CAMTA1: variants seen among roughly 807,000 people sequenced by gnomAD.
CAMTA1 encodes calmodulin-binding transcription activator 1.
Under a neutral mutation model 170.9 loss-of-function variants are expected in CAMTA1, and 27 were observed. The ratio of observed to expected loss-of-function variants is 0.16; its 90% confidence interval spans 0.12 to 0.22. The LOEUF (loss-of-function observed/expected upper bound fraction) is 0.22, where lower values mean the gene tolerates loss of function less well. Among genes scored for constraint, CAMTA1 ranks in the 10% least tolerant of loss-of-function variants. The pLI is 1.00. For synonymous variants in CAMTA1, 833 were observed against 891.5 expected, an observed-to-expected ratio of 0.93 and a Z score of 1.17; for missense variants, 1,619 against 2,217.2, an observed-to-expected ratio of 0.73 and a Z score of 5.42.
intron 6 of CAMTA1, among the ~76,000 whole-genome samples, chr1:7,498,207 A>G (rs1228957544): frequency 7.2e-6 from 1 of 138,312 alleles, no homozygotes; most frequent in Non-Finnish European, 1.6e-5. Flanking sequence ...TGTGTGTGTG[A>G]CAGTGTGGAT....
intron 3 of CAMTA1, among the ~76,000 whole-genome samples, chr1:6,879,728 A>C (rs1363544123): frequency 1.3e-5 from 2 of 150,848 alleles, no homozygotes; most frequent in Non-Finnish European, 2.9e-5. Flanking sequence ...TCCTAGGCCC[A>C]AGCAGGCCTC....
intron 3 of CAMTA1, among the ~76,000 whole-genome samples, chr1:6,910,594 C>T (rs993629997): frequency 1.3e-5 from 2 of 152,202 alleles, no homozygotes; most frequent in African/African-American, 4.8e-5. Flanking sequence ...TGTTGGAAAG[C>T]GGGTCTCTGC....
chr1:7,703,765 T>C (rs1322604990), intron 11 of CAMTA1, among the ~76,000 whole-genome samples: 1 of 152,244 alleles, frequency 6.6e-6, no homozygotes, highest in East Asian at 1.9e-4. Flanking sequence ...ACTTTCTCTG[T>C]GCGAGGCCGT....
At chr1:7,448,372 T>C (rs1469268888) in intron 5 of CAMTA1, among the ~76,000 whole-genome samples, 1 of 152,206 alleles carries the variant, frequency 6.6e-6, no homozygotes, top group Admixed American at 6.5e-5. Context: ...CTCCATGTCC[T>C]GGAGGAAGGA....
At chr1:7,178,077 A>G (rs1032412709) in intron 4 of CAMTA1, among the ~76,000 whole-genome samples, 2 of 152,158 alleles carry the variant, frequency 1.3e-5, no homozygotes, top group Non-Finnish European at 2.9e-5. Flanking sequence ...AGCCCCTCCC[A>G]CACATTGACC....
At chr1:7,016,507 CT>C (rs1700554406) in intron 3 of CAMTA1, among the ~76,000 whole-genome samples, 1 of 152,206 alleles carries the variant, frequency 6.6e-6, no homozygotes, top group Non-Finnish European at 1.5e-5. Flanking sequence ...CCTAAAAAAT[CT>C]CCAGTAAACA....
In CAMTA1 at chr1:7,067,029, A is replaced by C. The variant is rs1248693506; in HGVS notation, c.235-24275A>C. On this transcript the variant is annotated intron_variant, in intron 3 of 22. Transcript: ENST00000303635. The surrounding 1 kb of genome is among the most constrained non-coding windows in gnomAD (Gnocchi z 4.3). ...TTGACTCCTGCTGGATGGGCACATA[A>C]ACTGGGTGTCATGTTATTAAGATGT... 6.6e-6 allele frequency among the ~76,000 whole-genome samples: 1 copy of C among 152,226 alleles called. No homozygotes were observed. Among genetic ancestry groups the C allele is most frequent in the African/African-American group, 2.4e-5 (1 of 41,456 alleles).
At chr1:6,997,655 T>TC (rs1697481840) in intron 3 of CAMTA1, among the ~76,000 whole-genome samples, 1 of 135,712 alleles carries the variant, frequency 7.4e-6, no homozygotes, top group East Asian at 2.2e-4. Context: ...TCCTTTCTTT[T>TC]CTTTCTTTTT....
chr1:7,607,740 A>C (rs188228834), intron 6 of CAMTA1, among the ~76,000 whole-genome samples: 3 of 152,304 alleles, frequency 2.0e-5, no homozygotes, highest in Non-Finnish European at 4.4e-5. Context: ...AGTGGCATGA[A>C]TCTTTCCTCA....
intron 3 of CAMTA1, among the ~76,000 whole-genome samples, chr1:6,876,950 G>A (rs1670066396): frequency 6.6e-6 from 1 of 152,158 alleles, no homozygotes; most frequent in Non-Finnish European, 1.5e-5. Flanking sequence ...TTTTAGAGCT[G>A]GAAGGTCTGA....
At chr1:6,890,281 A>T (rs1674225418) in intron 3 of CAMTA1, among the ~76,000 whole-genome samples, 1 of 152,186 alleles carries the variant, frequency 6.6e-6, no homozygotes, top group South Asian at 2.1e-4. Context: ...TTAGGTTGTG[A>T]GGGAATTTCC....
intron 3 of CAMTA1, among the ~76,000 whole-genome samples, chr1:6,852,182 A>G (rs1271048716): frequency 6.6e-6 from 1 of 152,220 alleles, no homozygotes; most frequent in Non-Finnish European, 1.5e-5. Context: ...CTAGAATGTT[A>G]TACCCTTCAA....
chr1:7,659,510 G>C (rs1265758621), intron 7 of CAMTA1, among the ~76,000 whole-genome samples: 1 of 152,080 alleles, frequency 6.6e-6, no homozygotes, highest in East Asian at 1.9e-4. Context: ...CTCCAGCCTG[G>C]GCAACAGAGC....
chr1:7,161,779 A>G (rs1264474420), intron 4 of CAMTA1, among the ~76,000 whole-genome samples: 1 of 152,176 alleles, frequency 6.6e-6, no homozygotes, highest in Non-Finnish European at 1.5e-5. Context: ...GGCCCATTCC[A>G]TCCGGGCACC....
chr1:7,560,524 C>T (rs2150251912), intron 6 of CAMTA1, among the ~76,000 whole-genome samples: 1 of 152,296 alleles, frequency 6.6e-6, no homozygotes. Context: ...CATCAGGCCC[C>T]AAGGATACTT....
At chr1:6,834,380 T>C (rs1181050097) in intron 3 of CAMTA1, 1 of 199,218 alleles carries the variant, frequency 5.0e-6, no homozygotes, top group Non-Finnish European at 1.1e-5. Context: ...AGGTGTTGTT[T>C]CCTCACGGAG....
intron 5 of CAMTA1, among the ~76,000 whole-genome samples, chr1:7,429,529 G>A (rs983731677): frequency 5.3e-5 from 8 of 150,968 alleles, no homozygotes; most frequent in African/African-American, 2.0e-4. Context: ...GAAGGTGATG[G>A]TGATGATGGT....
chr1:7,284,124 C>CTCT (rs1231715990), intron 5 of CAMTA1, among the ~76,000 whole-genome samples: 1 of 136,768 alleles, frequency 7.3e-6, no homozygotes, highest in African/African-American at 2.7e-5. Context: ...GTATTTGCTG[C>CTCT]TGTTCTTCTT....
At chr1:7,321,167 A>G (rs1678361243) in intron 5 of CAMTA1, among the ~76,000 whole-genome samples, 1 of 152,080 alleles carries the variant, frequency 6.6e-6, no homozygotes, top group Non-Finnish European at 1.5e-5. Context: ...GGGTCCAGAG[A>G]TTGGTAAGGG....
Sources: allele counts gnomAD v4.1 joint callset (sites outside exome capture counted in the v4.1 genomes callset), GRCh38; gene constraint gnomAD v4.1.1; non-coding constraint Gnocchi (gnomAD v3.1); transcripts MANE v1.5; gene names NCBI Gene and HGNC (gene_info 2026-07-23, HGNC 2026-07-21).